CST9: variants seen among roughly 807,000 people sequenced by gnomAD.
CST9 encodes the protein cystatin 9, also known as cystatin-9.
In CST9, 11 loss-of-function variants were observed where a neutral mutation model predicts 7.7. The ratio of observed to expected loss-of-function variants is 1.44; its 90% CI spans 0.90 to 2.38. The LOEUF (loss-of-function observed/expected upper bound fraction) is 2.38, where lower values mean the gene tolerates loss of function less well. Ranked by LOEUF, CST9 falls within the 30% of genes most tolerant of loss-of-function variation. CST9 has a pLI of 0.00. For missense variants in CST9, 214 were observed against 199.1 expected (o/e 1.07, Z -0.45); for synonymous variants, 71 against 74.3 (o/e 0.96, Z 0.23).
Position 23,605,764 on chromosome 20 carries a change from T to A in CST9, c.101A>T (p.Glu34Val). The change falls in exon 1 of 2, where the codon GAA (glutamate) becomes GTA (valine). Residue 34 changes from glutamate (E) to valine (V), a missense_variant. By Grantham distance (121) the Glu-to-Val change is moderately radical. Transcript: ENST00000376971. ...LVTYAWCSEE[E>V]MGGNNKIVQD... ...GACTATTTTATTATTACCACCCATT[T>A]CCTCTTCAGAACACCAGGCATAAGT... 6.2e-7 allele frequency: 1 copy of A among 1,614,198 alleles called. No homozygotes were observed. Among genetic ancestry groups the A allele is most frequent in the Non-Finnish European group, 8.5e-7 (1 of 1,180,030 alleles).
rs726217 is a variant in CST9 at position 23,603,479 on chromosome 20, G to A, written c.*31C>T. 939,324 of 1,608,140 alleles carry A rather than the reference G, an allele frequency of 0.58. 282,424 individuals carry two copies. Among genetic ancestry groups the A allele is most frequent in the East Asian group, 0.69 (30,981 of 44,714 alleles). ...CACTGGGCTTCCCACTAAGGCACAA[G>A]CAGGGCAGCCTGGTACAGCCTGCTG... On this transcript the variant is annotated 3_prime_UTR_variant, in exon 2 of 2. Coordinates refer to ENST00000376971, the MANE Select transcript of CST9 (RefSeq NM_001008693.3).
intron 1 of CST9, among the ~76,000 whole-genome samples, chr20:23,604,860 G>A (rs1025175827): frequency 3.9e-5 from 6 of 152,222 alleles, no homozygotes; most frequent in Admixed American, 3.3e-4. Flanking sequence ...TTGGTGCTGA[G>A]AAAGGAAGAG....
At chr20:23,604,945 A>T (rs1416949660) in intron 1 of CST9, among the ~76,000 whole-genome samples, 1 of 152,250 alleles carries the variant, frequency 6.6e-6, no homozygotes. Flanking sequence ...TGAAGCCCAG[A>T]TGAACTGTGC....
chr20:23,603,081 C>G lies in CST9; in HGVS notation c.*429G>C. 1 of 1,021,818 alleles carries G rather than the reference C, an allele frequency of 9.8e-7. No homozygotes were observed. The highest frequency in any genetic ancestry group is 1.2e-6 in the Non-Finnish European group (1 of 853,054). The allele number at this position is 1,021,818 out of a possible 1,614,324, so 63.3% of individuals were successfully genotyped here. Reference sequence around the variant, plus strand: ...GGCAATTAGTTACCTATTTGTTAATCTTACAATAAGGGGGTTGACTAAGAA... The same window carrying G: ...GGCAATTAGTTACCTATTTGTTAATGTTACAATAAGGGGGTTGACTAAGAA... On this transcript the variant is annotated 3_prime_UTR_variant, in exon 2 of 2. Transcript: ENST00000376971.
intron 1 of CST9, among the ~76,000 whole-genome samples, chr20:23,604,646 G>T (rs775889730): frequency 6.6e-6 from 1 of 152,178 alleles, no homozygotes; most frequent in East Asian, 1.9e-4. Context: ...CCCCTCTGAG[G>T]GTTGCATCAG....
intron 1 of CST9, 45 bp downstream of exon 1, chr20:23,605,565 G>T: frequency 6.3e-7 from 1 of 1,592,002 alleles, no homozygotes; most frequent in South Asian, 1.2e-5. Flanking sequence ...CCTCACTTAG[G>T]GGCAGATGGA....
In CST9 at chr20:23,603,686, C is replaced by T. The variant is rs866932350; in HGVS notation, c.304G>A (p.Val102Ile). 2.5e-5 allele frequency: 40 copies of T among 1,614,104 alleles called. No individual in the cohort carries two copies. The highest frequency in any genetic ancestry group is 8.9e-5 in the East Asian group (4 of 44,902). The change falls in exon 2 of 2, where the codon GTA (valine) becomes ATA (isoleucine). Residue 102 changes from valine to isoleucine, a missense_variant. Coordinates refer to ENST00000376971, the MANE Select transcript of CST9 (RefSeq NM_001008693.3). ...ATGTCATCTTCAAATTTCCTACATA[C>T]GGTTTGGCGCAGTTGCAGATTCATG... is the stretch of plus-strand genomic sequence containing the variant. ...FSMNLQLRQT[V>I]CRKFEDDIDN...
chr20:23,603,598 G>A lies in CST9; in HGVS notation c.392C>T (p.Pro131Leu), dbSNP rs1324993135. 7.4e-6 allele frequency: 12 copies of A among 1,614,094 alleles called. No individual in the cohort carries two copies. Among genetic ancestry groups the A allele is most frequent in the African/African-American group, 4.0e-5 (3 of 74,934 alleles). The change falls in exon 2 of 2, where the codon CCT becomes CTT. Residue 131 changes from proline (P) to leucine (L), a missense_variant. Transcript: ENST00000376971. ...GCAGCATCCACAGCTGTGGACCTGA[G>A]GAAAGCTGATGCCCTGTCTTACGTT... is the stretch of plus-strand genomic sequence containing the variant. Reference protein sequence around the residue: ...LNNVRQGISFPQVHSCGCCMG... With the variant: ...LNNVRQGISFLQVHSCGCCMG...
Position 23,605,759 on chromosome 20 carries a change from C to A in CST9, c.106G>T (p.Gly36Cys), listed in dbSNP as rs1262721048. 1 of 1,614,242 alleles carries A rather than the reference C, an allele frequency of 6.2e-7. No individual in the cohort carries two copies. Among genetic ancestry groups the A allele is most frequent in the South Asian group, 1.1e-5 (1 of 91,086 alleles). Residue 36 changes from glycine to cysteine, a missense_variant, in exon 1 of 2, where the codon GGT becomes TGT. Gly to Cys is a radical substitution (Grantham distance 159). Coordinates refer to ENST00000376971, the MANE Select transcript of CST9 (RefSeq NM_001008693.3). ...TYAWCSEEEM[G>C]GNNKIVQDPM... is the part of the protein sequence containing the mutation. The stretch of plus-strand genomic sequence containing the variant: ...TCCTGGACTATTTTATTATTACCAC[C>A]CATTTCCTCTTCAGAACACCAGGCA...
Position 23,602,852 on chromosome 20 carries a change from C to T in CST9, c.*658G>A. On this transcript the variant is annotated 3_prime_UTR_variant, in exon 2 of 2. Coordinates refer to ENST00000376971, the MANE Select transcript of CST9 (RefSeq NM_001008693.3). The stretch of plus-strand genomic sequence containing the variant: ...AGCAATTGTGCCACGTGGCTCTGGC[C>T]TTCAGGTCTAGCCTGAGCCTGAGGC... The T allele has an allele frequency of 1.0e-6, 1 of 985,824 alleles. No individual in the cohort carries two copies. The highest frequency in any genetic ancestry group is 1.2e-6 in the Non-Finnish European group (1 of 830,272). The allele number at this position is 985,824 out of a possible 1,614,324, so 61.1% of individuals were successfully genotyped here.
rs141512970 is a variant in CST9, at chr20:23,603,591, G to A, written c.399C>T (p.Val133=). The part of the protein sequence containing the change: ...NVRQGISFPQ[V]HSCGCCMGCG... ...ACCCCATGCAGCATCCACAGCTGTG[G>A]ACCTGAGGAAAGCTGATGCCCTGTC... The change falls in exon 2 of 2, where the codon GTC becomes GTT. Residue 133 remains valine (V), a synonymous_variant. Coordinates refer to ENST00000376971, the MANE Select transcript of CST9 (RefSeq NM_001008693.3). 64 of 1,614,068 alleles carry A rather than the reference G, an allele frequency of 4.0e-5. No individual in the cohort carries two copies. The highest frequency in any genetic ancestry group is 5.3e-5 in the Non-Finnish European group (62 of 1,180,042).
Position 23,603,003 on chromosome 20 carries a change from T to A in CST9, c.*507A>T. ...AGGCTGTCCTGGTGTGATCCCTGCA[T>A]CCAAGAGCAGCAGGAGAATGTTTTG... On this transcript the variant is annotated 3_prime_UTR_variant, in exon 2 of 2. Transcript: ENST00000376971. 1.0e-6 allele frequency: 1 copy of A among 1,003,890 alleles called. No homozygotes were observed. Among genetic ancestry groups the A allele is most frequent in the Non-Finnish European group, 1.2e-6 (1 of 841,572 alleles). 62.2% of individuals were successfully genotyped at this position (1,003,890 alleles called of 1,614,324 possible). A position where few individuals can be genotyped will look rare whatever the true frequency, so the allele number is the denominator to read the frequency against.
In CST9 at chr20:23,605,610, C is replaced by A. The variant is rs1978740538; in HGVS notation, c.255G>T (p.Lys85Asn). Residue 85 changes from lysine to asparagine, a missense_variant and splice_region_variant, in exon 1 of 2, where the codon AAG becomes AAT. By Grantham distance (94) the Lys-to-Asn change is moderately conservative (BLOSUM62 0). Coordinates refer to ENST00000376971, the MANE Select transcript of CST9 (RefSeq NM_001008693.3). ...SSWREDSMDR[K>N]WRGKMVFSMN... ...GCCAGAAGAGGATGTGGTCACCAAC[C>A]TTTCTGTCCATGCTATCCTCCCTCC... is the stretch of plus-strand genomic sequence containing the variant. The A allele has an allele frequency of 5.6e-6, 9 of 1,613,682 alleles. No homozygotes were observed. Among genetic ancestry groups the A allele is most frequent in the African/African-American group, 2.7e-5 (2 of 75,038 alleles).
intron 1 of CST9, 132 bp from the exon 2 acceptor site, chr20:23,603,866 A>G (rs940978562): frequency 3.2e-6 from 3 of 932,914 alleles, no homozygotes; most frequent in East Asian, 2.4e-5. Context: ...TGGGCCTGGC[A>G]TCAGCTCACT....
chr20:23,605,788 G>A lies in CST9; in HGVS notation c.77C>T (p.Thr26Ile), dbSNP rs1978750503. The A allele has an allele frequency of 1.2e-6, 2 of 1,614,082 alleles. No individual in the cohort carries two copies. The highest frequency in any genetic ancestry group is 1.7e-6 in the Non-Finnish European group (2 of 1,180,032). The change falls in exon 1 of 2, where the codon ACT becomes ATT. Residue 26 changes from threonine (T) to isoleucine (I), a missense_variant. By Grantham distance (89) the Thr-to-Ile change is moderately conservative. Transcript: ENST00000376971. The stretch of plus-strand genomic sequence containing the variant: ...TTCCTCTTCAGAACACCAGGCATAA[G>A]TCACCAGGAGCTGGAAGCCCATGAG... ...LLLMGFQLLV[T>I]YAWCSEEEMG... is the part of the protein sequence containing the mutation.
In CST9 at chr20:23,603,190, G is replaced by A; in HGVS notation, c.*320C>T. On this transcript the variant is annotated 3_prime_UTR_variant, in exon 2 of 2. Coordinates refer to ENST00000376971, the MANE Select transcript of CST9 (RefSeq NM_001008693.3). ...CAGCTCAGCAGGGCCTAGGAGCGAGGGCAGTGGGGCTTCTTCTCAGCCTCC... is the reference window on the plus strand; with the variant it reads ...CAGCTCAGCAGGGCCTAGGAGCGAGAGCAGTGGGGCTTCTTCTCAGCCTCC... 2.5e-6 allele frequency: 3 copies of A among 1,206,386 alleles called. No individual in the cohort carries two copies. In the South Asian group the frequency reaches 6.3e-5, roughly 25 times the overall value. The allele number at this position is 1,206,386 out of a possible 1,614,324, so 74.7% of individuals were successfully genotyped here.
Position 23,605,684 on chromosome 20 carries a change from G to C in CST9, c.181C>G (p.Gln61Glu), listed in dbSNP as rs758761490. 10 of 1,614,132 alleles carry C rather than the reference G, an allele frequency of 6.2e-6. No homozygotes were observed. Among genetic ancestry groups the C allele is most frequent in the Non-Finnish European group, 8.5e-6 (10 of 1,180,002 alleles). The change falls in exon 1 of 2, where the codon CAG becomes GAG. Residue 61 changes from glutamine (Q) to glutamate (E), a missense_variant. Transcript: ENST00000376971. ...CTGTAGGCATGCTCCTCCTTGCTCT[G>C]CACGTTGAAAGTGTTCAAGGCAAAC... is the stretch of plus-strand genomic sequence containing the variant. ...VEFALNTFNV[Q>E]SKEEHAYRLL...
In CST9 at chr20:23,605,659, C is replaced by G; in HGVS notation, c.206G>C (p.Arg69Thr). 4 of 1,614,194 alleles carry G rather than the reference C, an allele frequency of 2.5e-6. No homozygotes were observed. Among genetic ancestry groups the G allele is most frequent in the Non-Finnish European group, 3.4e-6 (4 of 1,180,042 alleles). The change falls in exon 1 of 2, where the codon AGG becomes ACG. Residue 69 changes from arginine to threonine, a missense_variant. Coordinates refer to ENST00000376971, the MANE Select transcript of CST9 (RefSeq NM_001008693.3). The part of the protein sequence containing the change: ...NVQSKEEHAY[R>T]LLRVLSSWRE... ...CCATGAACTCAGGACGCGCAACAGCCTGTAGGCATGCTCCTCCTTGCTCTG... is the reference window on the plus strand; with the variant it reads ...CCATGAACTCAGGACGCGCAACAGCGTGTAGGCATGCTCCTCCTTGCTCTG...
Position 23,605,772 on chromosome 20 carries a change from A to G in CST9, c.93T>C (p.Ser31=), listed in dbSNP as rs190244029. ...TATTATTACCACCCATTTCCTCTTC[A>G]GAACACCAGGCATAAGTCACCAGGA... ...FQLLVTYAWC[S]EEEMGGNNKI... Residue 31 remains serine, a synonymous_variant, in exon 1 of 2, where the codon TCT becomes TCC. Transcript: ENST00000376971. The G allele has an allele frequency of 3.6e-4, 588 of 1,614,254 alleles. 5 individuals are homozygous for G. The Admixed American group carries it at 9.1e-3, about 25-fold the overall frequency.
Sources: gnomAD v4.1 joint callset for allele counts (sites outside exome capture counted in the v4.1 genomes callset) on GRCh38, gnomAD v4.1.1 for gene constraint, MANE v1.5 for transcripts, NCBI Gene and HGNC (gene_info 2026-07-23, HGNC 2026-07-21) for gene names.